Variants in ADK observed in about 807,000 individuals in gnomAD.
ADK encodes the protein N6,N6-dimethyladenosine kinase.
A neutral mutation model predicts 44.7 loss-of-function variants in ADK; 24 were observed. The ratio of observed to expected loss-of-function variants is 0.54; its 90% CI spans 0.39 to 0.76. The LOEUF is 0.76. ADK is among the 30% of genes least tolerant of loss of function. The probability of loss-of-function intolerance (pLI) is 0.00; values close to 1 mark genes in which losing one functional copy is unlikely to be tolerated. For synonymous variants in ADK, 128 were observed against 142.6 expected, an observed-to-expected ratio of 0.90 and a Z score of 0.73; for missense variants, 321 against 425.1, an observed-to-expected ratio of 0.76 and a Z score of 2.15.
chr10:74,670,071 C>T, intron 9 of ADK, 112 bp from the exon 10 acceptor site: 2 of 849,046 alleles, frequency 2.4e-6, no homozygotes, highest in Non-Finnish European at 4.0e-6. Context: ...GAGCTTATGT[C>T]CTGTCTCTCT....
chr10:74,517,298 TTTTAC>T (rs1207884975), intron 6 of ADK, among the ~76,000 whole-genome samples: 1 of 152,156 alleles, frequency 6.6e-6, no homozygotes, highest in African/African-American at 2.4e-5. Context: ...TTTTTCCTCA[TTTTAC>T]TTCCTTTTTT....
intron 3 of ADK, among the ~76,000 whole-genome samples, chr10:74,240,704 T>A (rs1424651832): frequency 1.3e-5 from 2 of 152,188 alleles, no homozygotes; most frequent in Admixed American, 6.5e-5. Context: ...TCTGTCAACT[T>A]ATATAATTGA....
intron 4 of ADK, among the ~76,000 whole-genome samples, chr10:74,325,717 T>A (rs1840981794): frequency 6.6e-6 from 1 of 152,254 alleles, no homozygotes; most frequent in Non-Finnish European, 1.5e-5. Flanking sequence ...CAAATGCATT[T>A]TCTGCATCTA....
chr10:74,573,325 G>A (rs188228810), intron 7 of ADK, among the ~76,000 whole-genome samples: 127 of 152,264 alleles, frequency 8.3e-4, no homozygotes, highest in African/African-American at 2.4e-3. Flanking sequence ...GCAGATTTTC[G>A]TGAACCACAA....
chr10:74,234,875 C>G (rs1844901101), intron 3 of ADK, among the ~76,000 whole-genome samples: 1 of 152,116 alleles, frequency 6.6e-6, no homozygotes. Flanking sequence ...GTATTCTAAT[C>G]AGTTGCAAGT....
chr10:74,631,423 GTT>G (rs80277195), intron 9 of ADK, among the ~76,000 whole-genome samples: 3 of 132,580 alleles, frequency 2.3e-5, no homozygotes, highest in Non-Finnish European at 4.9e-5. Flanking sequence ...TTTTTGTTTT[GTT>G]TTTTTTTTTT....
chr10:74,675,028 T>C (rs1479807849), intron 10 of ADK, among the ~76,000 whole-genome samples: 1 of 152,206 alleles, frequency 6.6e-6, no homozygotes. Flanking sequence ...TTCTTTCTGA[T>C]TGACACATTC....
intron 6 of ADK, among the ~76,000 whole-genome samples, chr10:74,484,000 C>T (rs533428218): frequency 6.6e-6 from 1 of 152,348 alleles, no homozygotes; most frequent in Admixed American, 6.5e-5. Flanking sequence ...GTGTGTTACA[C>T]TGTTCCAACG....
At chr10:74,483,955 T>G (rs1847170538) in intron 6 of ADK, among the ~76,000 whole-genome samples, 2 of 152,236 alleles carry the variant, frequency 1.3e-5, no homozygotes, top group African/African-American at 4.8e-5. Flanking sequence ...TATCTTACTA[T>G]ATTCTTATGA....
intron 3 of ADK, among the ~76,000 whole-genome samples, chr10:74,307,799 A>C (rs10824144): frequency 0.65 from 99,333 of 151,982 alleles, 33,616 homozygotes; most frequent in Middle Eastern, 0.81. Context: ...GTAGAAATAG[A>C]AGCTGAAAGC....
chr10:74,169,042 A>G (rs1418607004), intron 1 of ADK, among the ~76,000 whole-genome samples: 1 of 152,138 alleles, frequency 6.6e-6, no homozygotes, highest in Non-Finnish European at 1.5e-5. Context: ...CCTGGGCAAC[A>G]TCGTGAGACC....
In ADK at chr10:74,709,258, TCAGAG is replaced by T. The variant is rs1856707471; in HGVS notation, c.*814_*818del. On this transcript the variant is annotated 3_prime_UTR_variant, in exon 11 of 11. Coordinates refer to ENST00000539909, the MANE Select transcript of ADK (RefSeq NM_006721.4). ...TAATACACTGAAGAATAACTTAGTA[TCAGAG>T]ACCAATAAATCACTTTTTTAAGGAT... The T allele has an allele frequency of 6.6e-6, 1 of 152,206 alleles. No individual in the cohort carries two copies. Among genetic ancestry groups the T allele is most frequent in the African/African-American group, 2.4e-5 (1 of 41,474 alleles). 9.4% of individuals were successfully genotyped at this position (152,206 alleles called of 1,614,324 possible). A position where few individuals can be genotyped will look rare whatever the true frequency, so the allele number is the denominator to read the frequency against.
intron 1 of ADK, among the ~76,000 whole-genome samples, chr10:74,158,904 T>C (rs1841823692): frequency 6.6e-6 from 1 of 152,192 alleles, no homozygotes; most frequent in Non-Finnish European, 1.5e-5. Context: ...TTTCTTCCTC[T>C]CCAGTAGTAA....
chr10:74,534,373 T>C (rs1849384447), intron 7 of ADK, among the ~76,000 whole-genome samples: 1 of 152,204 alleles, frequency 6.6e-6, no homozygotes, highest in Non-Finnish European at 1.5e-5. Flanking sequence ...AAAAATACAC[T>C]GCTAAAATGA....
chr10:74,452,773 T>A (rs906622686), intron 6 of ADK, among the ~76,000 whole-genome samples: 3 of 152,024 alleles, frequency 2.0e-5, no homozygotes, highest in African/African-American at 7.2e-5. Context: ...GGATTTTTCG[T>A]GAACAAGTAA....
intron 10 of ADK, among the ~76,000 whole-genome samples, chr10:74,672,539 G>A (rs1049765826): frequency 1.3e-5 from 2 of 152,176 alleles, no homozygotes; most frequent in African/African-American, 2.4e-5. Flanking sequence ...GGACTTTACT[G>A]GTAATACAAT....
In ADK at chr10:74,288,800, A is replaced by C. The variant is rs528113145; in HGVS notation, c.195-25867A>C. The stretch of plus-strand genomic sequence containing the variant: ...TCTCTTTATGTACCTCTGGAATGGA[A>C]CTTTGATAACTGTTTATTACAGTAG... On this transcript the variant is annotated intron_variant, in intron 3 of 10. Transcript: ENST00000539909. Among the ~76,000 whole-genome samples, 10 of 152,336 alleles carry C rather than the reference A, an allele frequency of 6.6e-5. No individual in the cohort carries two copies. The South Asian group carries it at 1.9e-3, about 28-fold the overall frequency.
At chr10:74,235,861 G>A (rs2132282454) in intron 3 of ADK, among the ~76,000 whole-genome samples, 1 of 152,280 alleles carries the variant, frequency 6.6e-6, no homozygotes, top group Non-Finnish European at 1.5e-5. Flanking sequence ...ATTAATGCAG[G>A]AGTGGGTTAG....
intron 6 of ADK, among the ~76,000 whole-genome samples, chr10:74,457,005 A>G (rs1212789238): frequency 2.0e-5 from 3 of 152,190 alleles, no homozygotes; most frequent in Admixed American, 6.5e-5. Flanking sequence ...GGAGATAGAG[A>G]CACGAAAAAC....
Sources: gnomAD v4.1 joint callset for allele counts (sites outside exome capture counted in the v4.1 genomes callset) on GRCh38, gnomAD v4.1.1 for gene constraint, MANE v1.5 for transcripts, NCBI Gene and HGNC (gene_info 2026-07-23, HGNC 2026-07-21) for gene names.